Variants in FRMD6 observed in about 807,000 individuals in gnomAD.
The protein encoded by FRMD6 is FERM domain-containing protein 6.
FRMD6 carries 37 observed loss-of-function variants against 73.2 expected under a neutral mutation model. That is an observed-to-expected ratio of 0.51 (90% CI 0.39 to 0.66). FRMD6 has a LOEUF of 0.66. FRMD6 is among the 30% of genes least tolerant of loss of function. The pLI, the probability that FRMD6 is intolerant of heterozygous loss-of-function variation, is 0.00. For synonymous variants in FRMD6, 273 were observed against 282.2 expected, an observed-to-expected ratio of 0.97 and a Z score of 0.33; for missense variants, 714 against 780.5, an observed-to-expected ratio of 0.91 and a Z score of 1.02.
intron 1 of FRMD6, among the ~76,000 whole-genome samples, chr14:51,663,159 T>G (rs948683213): frequency 6.6e-6 from 1 of 152,230 alleles, no homozygotes; most frequent in African/African-American, 2.4e-5. Flanking sequence ...GCTTATACAC[T>G]GTTTGTGGGA....
At chr14:51,707,144 T>C (rs1485333268) in intron 6 of FRMD6, among the ~76,000 whole-genome samples, 2 of 152,162 alleles carry the variant, frequency 1.3e-5, no homozygotes, top group African/African-American at 4.8e-5. Flanking sequence ...ATAACTGATT[T>C]AACTGATTAC....
chr14:51,459,884 C>CTTTTTTTTT, the FRMD6 span, among the ~76,000 whole-genome samples: 663 of 74,592 alleles, frequency 8.9e-3, 74 homozygotes, highest in East Asian at 0.03. Flanking sequence ...TACTGACTCT[C>CTTTTTTTTT]TTTTTTTTTT....
intron 2 of FRMD6, among the ~76,000 whole-genome samples, chr14:51,593,894 C>G (rs895766301): frequency 6.6e-6 from 1 of 151,594 alleles, no homozygotes; most frequent in Non-Finnish European, 1.5e-5. Flanking sequence ...TGAACCACAC[C>G]CCCAACTCTA....
chr14:51,617,968 T>G (rs895342367), intron 2 of FRMD6, among the ~76,000 whole-genome samples: 6 of 152,148 alleles, frequency 3.9e-5, no homozygotes, highest in Admixed American at 1.3e-4. Flanking sequence ...AATGAAAATT[T>G]ATTATATACC....
chr14:51,437,616 T>A, the FRMD6 span, among the ~76,000 whole-genome samples: 25 of 152,336 alleles, frequency 1.6e-4, no homozygotes, highest in African/African-American at 5.5e-4. Flanking sequence ...CTTTCTTTTT[T>A]AAAAAATTTT....
the FRMD6 span, chr14:51,436,265 T>C: frequency 8.2e-6 from 3 of 364,308 alleles, no homozygotes; most frequent in Non-Finnish European, 1.1e-5. Context: ...ACAAACTCCG[T>C]AAATAATTTT....
intron 1 of FRMD6, among the ~76,000 whole-genome samples, chr14:51,655,972 C>G (rs1892792328): frequency 6.6e-6 from 1 of 152,212 alleles, no homozygotes; most frequent in Non-Finnish European, 1.5e-5. Flanking sequence ...AATGATTCTA[C>G]AAATATTTAA....
chr14:51,520,697 A>C (rs960651467), intron 1 of FRMD6, among the ~76,000 whole-genome samples: 11 of 152,302 alleles, frequency 7.2e-5, no homozygotes, highest in Admixed American at 2.6e-4. Context: ...CAGGAGTTTG[A>C]GACCAGCCTA....
chr14:51,685,553 T>C (rs948717714), intron 1 of FRMD6, among the ~76,000 whole-genome samples: 17 of 152,192 alleles, frequency 1.1e-4, no homozygotes, highest in African/African-American at 4.1e-4. Flanking sequence ...ACTAAAGACA[T>C]TTTGATATCA....
At position 51,624,194 on chromosome 14, in the gene FRMD6, G is replaced by T. The variant is rs1891034859; in HGVS notation, c.-147+53784G>T. Among the ~76,000 whole-genome samples, 7 of 152,214 alleles carry T rather than the reference G, an allele frequency of 4.6e-5. 1 individual carries two copies. The South Asian group carries it at 1.5e-3, about 32-fold the overall frequency. On this transcript the variant is annotated intron_variant, in intron 2 of 14. Coordinates refer to the FRMD6 transcript ENST00000356218. ...AGAGGATCAGTAAAAATAATTAATG[G>T]ATACTAGGCTTAATACCTGCTGGGT...
the FRMD6 span, among the ~76,000 whole-genome samples, chr14:51,434,357 C>T: frequency 6.6e-6 from 1 of 152,104 alleles, no homozygotes; most frequent in Non-Finnish European, 1.5e-5. Flanking sequence ...TTGGTTGACT[C>T]CAGGATTGAG....
At chr14:51,443,965 G>A in the FRMD6 span, among the ~76,000 whole-genome samples, 4 of 119,464 alleles carry the variant, frequency 3.3e-5, no homozygotes, top group South Asian at 2.5e-4. Context: ...TTTTCCTCTC[G>A]TTGTCCAGGC....
chr14:51,502,970 A>G (rs576814574), intron 1 of FRMD6, among the ~76,000 whole-genome samples: 1 of 152,044 alleles, frequency 6.6e-6, no homozygotes, highest in Non-Finnish European at 1.5e-5. Context: ...TGTGAATGGG[A>G]GTTCATTCAT....
At chr14:51,704,093 A>G (rs1896488877) in intron 5 of FRMD6, among the ~76,000 whole-genome samples, 1 of 152,130 alleles carries the variant, frequency 6.6e-6, no homozygotes, top group South Asian at 2.1e-4. Flanking sequence ...TTGTCGTGAC[A>G]TGTGCCTGTA....
At chr14:51,673,250 C>T (rs1805543728) in intron 1 of FRMD6, among the ~76,000 whole-genome samples, 2 of 152,210 alleles carry the variant, frequency 1.3e-5, no homozygotes, top group African/African-American at 4.8e-5. Context: ...AGATTCTTTC[C>T]TCTGCCTTGT....
chr14:51,465,333 G>C, the FRMD6 span, among the ~76,000 whole-genome samples: 1 of 152,124 alleles, frequency 6.6e-6, no homozygotes, highest in Non-Finnish European at 1.5e-5. Context: ...CATTAGATGA[G>C]TTTTGACATT....
chr14:51,727,944 T>C lies in FRMD6; in HGVS notation c.1784T>C (p.Ile595Thr), dbSNP rs1036094860. 6.2e-7 allele frequency: 1 copy of C among 1,614,070 alleles called. No individual in the cohort carries two copies. Residue 595 changes from isoleucine to threonine, a missense_variant, in exon 14 of 14, where the codon ATC becomes ACC. Physicochemically the swap from Ile to Thr is moderately conservative, Grantham distance 89 (BLOSUM62 -1). Coordinates refer to ENST00000344768, the MANE Select transcript of FRMD6 (RefSeq NM_001267046.2). The part of the protein sequence containing the change: ...NSCLAQQCIN[I>T]QDAFPVKRTS... ...TGCTTGGCCCAGCAGTGCATCAACA[T>C]CCAAGATGCTTTTCCAGTCAAAAGA...
At chr14:51,601,932 T>G (rs1487947141) in intron 2 of FRMD6, among the ~76,000 whole-genome samples, 1 of 152,238 alleles carries the variant, frequency 6.6e-6, no homozygotes, top group Non-Finnish European at 1.5e-5. Flanking sequence ...CCTGATTAGA[T>G]TGTAAGCACC....
chr14:51,580,372 T>C (rs1163292109), intron 2 of FRMD6, among the ~76,000 whole-genome samples: 2 of 152,232 alleles, frequency 1.3e-5, no homozygotes, highest in Non-Finnish European at 2.9e-5. Context: ...CAAACACCTA[T>C]GAGCACTCCC....
Sources: allele counts gnomAD v4.1 joint callset (sites outside exome capture counted in the v4.1 genomes callset), GRCh38; gene constraint gnomAD v4.1.1; transcripts MANE v1.5; gene names NCBI Gene and HGNC (gene_info 2026-07-23, HGNC 2026-07-21).